The following RIT2 variants were observed in gnomAD, a reference collection of about 807,000 sequenced individuals.
The protein encoded by RIT2 is GTP-binding protein Rit2.
In RIT2, 24 loss-of-function variants were observed where a neutral mutation model predicts 23.7. The observed-to-expected ratio is 1.01, with a 90% CI of 0.73 to 1.43. RIT2 has a LOEUF of 1.43. Ranked by LOEUF, RIT2 falls within the 40% of genes most tolerant of loss-of-function variation. RIT2 has a pLI of 0.00. For synonymous variants in RIT2, 107 were observed against 91.1 expected (o/e 1.17, Z -0.99); for missense variants, 236 against 266.9 (o/e 0.88, Z 0.81).
intron 2 of RIT2, among the ~76,000 whole-genome samples, chr18:42,993,137 A>T (rs938505836): frequency 1.3e-5 from 2 of 152,196 alleles, no homozygotes; most frequent in African/African-American, 4.8e-5. Context: ...CTCCTCCCCC[A>T]GGAGCTTGCT....
chr18:42,847,301 A>C (rs981014527), intron 4 of RIT2, among the ~76,000 whole-genome samples: 2 of 152,164 alleles, frequency 1.3e-5, no homozygotes, highest in African/African-American at 4.8e-5. Flanking sequence ...ATATCCTGAC[A>C]ACCATAATCA....
At chr18:42,895,874 G>A (rs1598704600) in intron 4 of RIT2, among the ~76,000 whole-genome samples, 1 of 152,162 alleles carries the variant, frequency 6.6e-6, no homozygotes, top group East Asian at 1.9e-4. Context: ...AATCTATAAG[G>A]AAACACATCA....
chr18:42,903,661 G>A (rs1483835697), intron 4 of RIT2, among the ~76,000 whole-genome samples: 1 of 151,926 alleles, frequency 6.6e-6, no homozygotes, highest in East Asian at 1.9e-4. Context: ...CCCACAAAAA[G>A]GATGATAAAT....
intron 4 of RIT2, among the ~76,000 whole-genome samples, chr18:42,897,206 TA>T (rs1294390315): frequency 6.6e-6 from 1 of 152,214 alleles, no homozygotes; most frequent in African/African-American, 2.4e-5. Context: ...TTGCTTTCAT[TA>T]TCCACCTTTA....
At chr18:42,918,038 C>T (rs886160492) in intron 4 of RIT2, among the ~76,000 whole-genome samples, 4 of 152,044 alleles carry the variant, frequency 2.6e-5, no homozygotes, top group Non-Finnish European at 5.9e-5. Flanking sequence ...AATTTTATTC[C>T]TAGTACCATT....
intron 2 of RIT2, among the ~76,000 whole-genome samples, chr18:43,028,702 C>G (rs751972943): frequency 8.6e-5 from 13 of 151,916 alleles, no homozygotes; most frequent in Admixed American, 2.0e-4. Flanking sequence ...TTCAGTGTTT[C>G]CCTGTAGACC....
chr18:43,038,062 G>A (rs1297205900), intron 1 of RIT2, among the ~76,000 whole-genome samples: 1 of 151,864 alleles, frequency 6.6e-6, no homozygotes, highest in Non-Finnish European at 1.5e-5. Context: ...AAAATGGGCT[G>A]GGCATGGTGG....
At chr18:42,947,759 C>T (rs979532737) in intron 3 of RIT2, among the ~76,000 whole-genome samples, 8 of 152,044 alleles carry the variant, frequency 5.3e-5, no homozygotes, top group African/African-American at 1.9e-4. Flanking sequence ...CAGATCAGCA[C>T]AGAAAACTGC....
At chr18:42,820,140 G>A (rs912932679) in intron 4 of RIT2, among the ~76,000 whole-genome samples, 2 of 151,768 alleles carry the variant, frequency 1.3e-5, no homozygotes, top group Admixed American at 6.6e-5. Context: ...ATCCACTCTT[G>A]GCTGAACCCA....
chr18:43,043,439 A>G (rs1912174512), intron 1 of RIT2, among the ~76,000 whole-genome samples: 1 of 152,088 alleles, frequency 6.6e-6, no homozygotes, highest in Admixed American at 6.5e-5. Context: ...TTTTTGAATG[A>G]ATAAATAAAT....
intron 1 of RIT2, among the ~76,000 whole-genome samples, chr18:43,108,735 C>T (rs1913886600): frequency 6.6e-6 from 1 of 152,164 alleles, no homozygotes; most frequent in Non-Finnish European, 1.5e-5. Context: ...TACCAATTTA[C>T]TCTTTTACTG....
At chr18:43,086,463 C>T (rs913453653) in intron 1 of RIT2, among the ~76,000 whole-genome samples, 2 of 152,094 alleles carry the variant, frequency 1.3e-5, no homozygotes, top group Non-Finnish European at 2.9e-5. Flanking sequence ...AGAAACAGTG[C>T]TTTTAGAGGG....
intron 2 of RIT2, among the ~76,000 whole-genome samples, chr18:42,987,824 G>C (rs570230523): frequency 7.9e-5 from 12 of 152,130 alleles, no homozygotes; most frequent in Admixed American, 5.9e-4. Context: ...AGGTGAAGTG[G>C]AGTAGATGTC....
At chr18:42,777,285 CAAAAAA>C (rs71175922) in intron 4 of RIT2, among the ~76,000 whole-genome samples, 1 of 127,972 alleles carries the variant, frequency 7.8e-6, no homozygotes. Context: ...GTCTGGACTT[CAAAAAA>C]AAAAAAAAAA....
chr18:43,085,906 C>G (rs1451857517), intron 1 of RIT2, among the ~76,000 whole-genome samples: 1 of 152,080 alleles, frequency 6.6e-6, no homozygotes, highest in East Asian at 1.9e-4. Context: ...AGGAGTTCCC[C>G]TGCACAAGCC....
At chr18:42,904,716 A>T (rs1340425578) in intron 4 of RIT2, among the ~76,000 whole-genome samples, 1 of 152,162 alleles carries the variant, frequency 6.6e-6, no homozygotes, top group Non-Finnish European at 1.5e-5. Flanking sequence ...ATAAATAACA[A>T]AGAATTAGTT....
intron 4 of RIT2, among the ~76,000 whole-genome samples, chr18:42,903,594 C>T (rs973350037): frequency 6.6e-5 from 10 of 151,778 alleles, no homozygotes; most frequent in African/African-American, 1.2e-4. Flanking sequence ...TCATAATTGC[C>T]GCTAGAATAG....
intron 2 of RIT2, among the ~76,000 whole-genome samples, chr18:43,024,657 C>G (rs182314353): frequency 2.6e-5 from 4 of 151,942 alleles, no homozygotes; most frequent in Non-Finnish European, 5.9e-5. Context: ...TATTTGCAAA[C>G]TATGCTTCCA....
At chr18:43,027,060 G>C (rs1462132065) in intron 2 of RIT2, among the ~76,000 whole-genome samples, 4 of 152,128 alleles carry the variant, frequency 2.6e-5, no homozygotes, top group Non-Finnish European at 1.5e-5. Context: ...TGAAATCCAA[G>C]AGTGGTAGAA....
Sources: allele counts gnomAD v4.1 joint callset (sites outside exome capture counted in the v4.1 genomes callset), GRCh38; gene constraint gnomAD v4.1.1; transcripts MANE v1.5; gene names NCBI Gene and HGNC (gene_info 2026-07-23, HGNC 2026-07-21).